Variants in CSMD2 observed in about 807,000 individuals in gnomAD.
CSMD2 encodes CUB and Sushi multiple domains 2, also known as CUB and sushi domain-containing protein 2.
In CSMD2, 130 loss-of-function variants were observed where a neutral mutation model predicts 398.5. The ratio of observed to expected loss-of-function variants is 0.33; its 90% CI spans 0.28 to 0.38. CSMD2 has a LOEUF of 0.38. Among genes scored for constraint, CSMD2 ranks in the 10% least tolerant of loss-of-function variants. The pLI is 1.00. For missense variants in CSMD2, 3,829 were observed against 4,764.9 expected (o/e 0.80, Z 5.78); for synonymous variants, 1,828 against 1,908.5 (o/e 0.96, Z 1.10).
At chr1:33,784,348 G>C (rs898008277) in intron 12 of CSMD2, among the ~76,000 whole-genome samples, 1 of 151,874 alleles carries the variant, frequency 6.6e-6, no homozygotes, top group African/African-American at 2.4e-5. Flanking sequence ...GGGTGCCGGG[G>C]ACTCAACCCA....
intron 25 of CSMD2, among the ~76,000 whole-genome samples, chr1:33,668,454 A>G (rs1644385736): frequency 6.6e-6 from 1 of 152,200 alleles, no homozygotes; most frequent in South Asian, 2.1e-4. Context: ...TGGCCAGTAA[A>G]GACTTGGTTT....
At chr1:33,932,737 C>G (rs1644353560) in intron 4 of CSMD2, among the ~76,000 whole-genome samples, 1 of 152,176 alleles carries the variant, frequency 6.6e-6, no homozygotes, top group Non-Finnish European at 1.5e-5. Flanking sequence ...TGTTAACATC[C>G]AGCCCCAGAG....
intron 5 of CSMD2, among the ~76,000 whole-genome samples, chr1:33,871,738 T>G (rs1640482143): frequency 6.6e-6 from 1 of 152,198 alleles, no homozygotes; most frequent in Non-Finnish European, 1.5e-5. Context: ...TGTCTCAGCC[T>G]CACAAGTAGC....
chr1:33,730,662 G>A (rs1010028759), intron 15 of CSMD2, among the ~76,000 whole-genome samples: 1 of 151,148 alleles, frequency 6.6e-6, no homozygotes, highest in Non-Finnish European at 1.5e-5. Context: ...TTATATTATT[G>A]TTGGTAGCCA....
intron 59 of CSMD2, 104 bp from the exon 60 acceptor site, chr1:33,540,802 G>A (rs1218185361): frequency 3.0e-6 from 4 of 1,313,874 alleles, no homozygotes; most frequent in Non-Finnish European, 4.2e-6. Flanking sequence ...CCTAGAGCCT[G>A]GGCTAAACAG....
intron 3 of CSMD2, among the ~76,000 whole-genome samples, chr1:34,024,589 A>G (rs1649380044): frequency 6.6e-6 from 1 of 152,134 alleles, no homozygotes; most frequent in Non-Finnish European, 1.5e-5. Flanking sequence ...TTGCTACTCC[A>G]CAGTACTGAT....
intron 46 of CSMD2, among the ~76,000 whole-genome samples, chr1:33,585,902 C>T (rs1373991493): frequency 2.0e-5 from 3 of 152,184 alleles, no homozygotes; most frequent in African/African-American, 4.8e-5. Flanking sequence ...CATTTAATAC[C>T]GCCATGGCAT....
chr1:33,931,098 G>A (rs1644299689), intron 4 of CSMD2, among the ~76,000 whole-genome samples: 1 of 152,224 alleles, frequency 6.6e-6, no homozygotes, highest in South Asian at 2.1e-4. Flanking sequence ...TCCCTTTCGG[G>A]CTTGTATGCT....
chr1:34,122,493 T>C (rs773293462), intron 1 of CSMD2, among the ~76,000 whole-genome samples: 3 of 152,140 alleles, frequency 2.0e-5, no homozygotes. Flanking sequence ...CCCACTCCAC[T>C]AATCCTCTTC....
At chr1:33,819,572 T>C (rs1657863747) in intron 9 of CSMD2, 141 bp downstream of exon 9, 3 of 688,870 alleles carry the variant, frequency 4.4e-6, no homozygotes, top group South Asian at 3.7e-5. Flanking sequence ...AGTATGCTTA[T>C]TGGTAAATAA....
At chr1:33,583,277 T>C (rs1215838677) in intron 47 of CSMD2, among the ~76,000 whole-genome samples, 1 of 152,260 alleles carries the variant, frequency 6.6e-6, no homozygotes, top group African/African-American at 2.4e-5. Context: ...TTGCACATTT[T>C]CCCTCTTAAA....
intron 49 of CSMD2, among the ~76,000 whole-genome samples, chr1:33,573,260 A>T (rs1000494715): frequency 6.6e-6 from 1 of 152,224 alleles, no homozygotes; most frequent in African/African-American, 2.4e-5. Context: ...CGTAATCCAC[A>T]TCTCATAGCT....
chr1:34,165,104 G>T lies in CSMD2; in HGVS notation c.-7C>A. 1 of 1,214,054 alleles carries T rather than the reference G, an allele frequency of 8.2e-7. No individual in the cohort carries two copies. The highest frequency in any genetic ancestry group is 1.0e-6 in the Non-Finnish European group (1 of 976,392). 75.2% of individuals were successfully genotyped at this position (1,214,054 alleles called of 1,614,324 possible). A position where few individuals can be genotyped will look rare whatever the true frequency, so the allele number is the denominator to read the frequency against. ...GTCCCCGCGAGCGCGGCATGGCGCG[G>T]CCGGCAGCGCCGAGGGAGAGGCTCC... On this transcript the variant is annotated 5_prime_UTR_variant, in exon 1 of 71. Transcript: ENST00000373381.
intron 10 of CSMD2, among the ~76,000 whole-genome samples, chr1:33,803,431 T>C (rs115372189): frequency 2.8e-3 from 421 of 152,328 alleles, no homozygotes; most frequent in Non-Finnish European, 4.4e-3. Flanking sequence ...GTTTCTCTCC[T>C]GACCCCTGCA....
At chr1:34,039,239 G>A (rs1484156771) in intron 2 of CSMD2, among the ~76,000 whole-genome samples, 1 of 152,136 alleles carries the variant, frequency 6.6e-6, no homozygotes, top group Non-Finnish European at 1.5e-5. Context: ...GCTTGGCCAG[G>A]GAGATTTGGG....
intron 9 of CSMD2, among the ~76,000 whole-genome samples, chr1:33,818,137 A>T (rs1029001030): frequency 2.0e-5 from 3 of 152,228 alleles, no homozygotes; most frequent in Admixed American, 2.0e-4. Flanking sequence ...TGCAAAAGGC[A>T]TTGTCATCCT....
chr1:34,035,732 C>T (rs1305902039), intron 2 of CSMD2, among the ~76,000 whole-genome samples: 2 of 141,436 alleles, frequency 1.4e-5, no homozygotes, highest in African/African-American at 2.6e-5. Context: ...TGATAAAGAA[C>T]ATCTACAAAA....
Position 34,131,347 on chromosome 1 carries a change from A to AAG in CSMD2, c.187+33563_187+33564insCT, listed in dbSNP as rs1553326828. Among the ~76,000 whole-genome samples, 964 of 151,724 alleles carry AAG rather than the reference A, an allele frequency of 6.4e-3. 8 individuals are homozygous for AAG. Among genetic ancestry groups the AAG allele is most frequent in the African/African-American group, 0.022 (900 of 41,316 alleles). The stretch of plus-strand genomic sequence containing the variant: ...TCTGCTCTATTGGGAGGTGCAGGAG[A>AAG]GGGGGGGGTCTTAATTTTTCTTTTC... On this transcript the variant is annotated intron_variant, in intron 1 of 70. Coordinates refer to ENST00000373381, the MANE Select transcript of CSMD2 (RefSeq NM_001281956.2).
chr1:33,959,631 A>G (rs1370044336), intron 3 of CSMD2, among the ~76,000 whole-genome samples: 1 of 151,656 alleles, frequency 6.6e-6, no homozygotes, highest in African/African-American at 2.4e-5. Flanking sequence ...GCTGCCCTTG[A>G]CTCCTTCCAT....
Sources: gnomAD v4.1 joint callset for allele counts (sites outside exome capture counted in the v4.1 genomes callset) on GRCh38, gnomAD v4.1.1 for gene constraint, MANE v1.5 for transcripts, NCBI Gene and HGNC (gene_info 2026-07-23, HGNC 2026-07-21) for gene names.